The following KLHL20 variants were observed in gnomAD, a reference collection of about 807,000 sequenced individuals.
The protein encoded by KLHL20 is kelch like family member 20, also known as kelch-like protein 20.
In KLHL20, 29 loss-of-function variants were observed where a neutral mutation model predicts 69.5. The observed-to-expected ratio is 0.42, with a 90% CI of 0.31 to 0.57. The LOEUF is 0.57. KLHL20 is among the 20% of genes least tolerant of loss of function. The probability of loss-of-function intolerance (pLI) is 0.18; values close to 1 mark genes in which losing one functional copy is unlikely to be tolerated. For synonymous variants in KLHL20, 253 were observed against 265.2 expected (o/e 0.95, Z 0.45); for missense variants, 419 against 776.0 (o/e 0.54, Z 5.47).
chr1:173,757,724 A>T (rs562861825), intron 7 of KLHL20, among the ~76,000 whole-genome samples: 3 of 152,108 alleles, frequency 2.0e-5, no homozygotes, highest in Non-Finnish European at 4.4e-5. Flanking sequence ...AATGTTACTT[A>T]ATACATACAA....
intron 3 of KLHL20, among the ~76,000 whole-genome samples, chr1:173,745,991 A>G (rs1228227729): frequency 1.3e-5 from 2 of 152,180 alleles, no homozygotes; most frequent in Admixed American, 1.3e-4. Context: ...ATGTCCAACA[A>G]TTCCTATTCT....
chr1:173,718,504 C>T (rs1190232259), intron 2 of KLHL20, among the ~76,000 whole-genome samples: 1 of 151,272 alleles, frequency 6.6e-6, no homozygotes, highest in African/African-American at 2.4e-5. Context: ...CGTGATCATA[C>T]CATTGAACCC....
chr1:173,778,817 CTTTTTCATCTCTGATTTTAT>C (rs1648656698), intron 10 of KLHL20, among the ~76,000 whole-genome samples: 1 of 152,018 alleles, frequency 6.6e-6, no homozygotes, highest in Non-Finnish European at 1.5e-5. Context: ...GTAATGTCTC[CTTTTTCATCTCTGATTTTAT>C]TTATTTGGGC....
chr1:173,725,038 C>G (rs1671891696), intron 2 of KLHL20, among the ~76,000 whole-genome samples: 2 of 151,200 alleles, frequency 1.3e-5, no homozygotes, highest in South Asian at 4.2e-4. Flanking sequence ...GACTCTTCTT[C>G]TTGATATTTC....
chr1:173,775,918 A>G (rs1203498406), intron 10 of KLHL20, 76 bp downstream of exon 10: 7 of 1,183,742 alleles, frequency 5.9e-6, no homozygotes, highest in Admixed American at 3.5e-5. Flanking sequence ...GGGAGTGCAG[A>G]TATCTCTTCA....
intron 8 of KLHL20, among the ~76,000 whole-genome samples, chr1:173,773,306 A>G (rs575903052): frequency 1.6e-3 from 237 of 150,968 alleles, no homozygotes; most frequent in African/African-American, 5.6e-3. Context: ...AGTCTCAGCC[A>G]GACACAGTGG....
rs546840277 is a variant in KLHL20 at position 173,719,933 on chromosome 1, C to T, written c.23+3867C>T. Among the ~76,000 whole-genome samples the T allele has an allele frequency of 1.1e-3, 167 of 152,100 alleles. 1 individual carries two copies. Among genetic ancestry groups the T allele is most frequent in the Admixed American group, 8.7e-3 (133 of 15,294 alleles). On this transcript the variant is annotated intron_variant, in intron 2 of 11. Transcript: ENST00000209884. ...CTCTATTCCTGTATATTGTGTGATA[C>T]AGATCAAGTGATGAGAACAGATATA... is the stretch of plus-strand genomic sequence containing the variant.
intron 2 of KLHL20, 68 bp downstream of exon 2, chr1:173,716,134 T>G (rs1558174240): frequency 1.2e-5 from 17 of 1,467,198 alleles, no homozygotes; most frequent in Middle Eastern, 1.7e-4. Context: ...TTTAAATTTT[T>G]AAAAAAGAGT....
intron 2 of KLHL20, among the ~76,000 whole-genome samples, chr1:173,721,147 A>G (rs1308156434): frequency 6.6e-6 from 1 of 152,132 alleles, no homozygotes; most frequent in Non-Finnish European, 1.5e-5. Context: ...GAAGCTTTAC[A>G]TGCTTTGGGT....
chr1:173,745,170 CTTTTTTTT>C (rs796578983), intron 3 of KLHL20, among the ~76,000 whole-genome samples: 6 of 115,534 alleles, frequency 5.2e-5, no homozygotes, highest in African/African-American at 2.0e-4. Flanking sequence ...TTTCTTTTTT[CTTTTTTTT>C]TTTTTTTTTT....
chr1:173,724,186 T>TG (rs1353860124), intron 2 of KLHL20, among the ~76,000 whole-genome samples: 8 of 151,720 alleles, frequency 5.3e-5, no homozygotes, highest in African/African-American at 1.9e-4. Flanking sequence ...TTTTTTTTTT[T>TG]TTTAGAGATG....
intron 11 of KLHL20, among the ~76,000 whole-genome samples, chr1:173,784,499 A>G (rs1649081343): frequency 6.6e-6 from 1 of 152,254 alleles, no homozygotes; most frequent in Non-Finnish European, 1.5e-5. Flanking sequence ...ATGACAAAGT[A>G]ATAGTCATGA....
At position 173,739,363 on chromosome 1, in the gene KLHL20, C is replaced by T. The variant is rs757239557; in HGVS notation, c.597+5077C>T. ...CTGGGATTACAGGCACGAGCCATCA[C>T]GCCTGGCCCAATTCTTCTTTAAATG... On this transcript the variant is annotated intron_variant, in intron 3 of 11. Transcript: ENST00000209884. Among the ~76,000 whole-genome samples, 4 of 152,116 alleles carry T rather than the reference C, an allele frequency of 2.6e-5. No homozygotes were observed. In the South Asian group the frequency reaches 6.2e-4, roughly 24 times the overall value.
At chr1:173,726,468 C>A (rs1164333818) in intron 2 of KLHL20, among the ~76,000 whole-genome samples, 4 of 152,172 alleles carry the variant, frequency 2.6e-5, no homozygotes, top group Admixed American at 2.6e-4. Flanking sequence ...GGGTCCCTGA[C>A]CCCCAAGTAG....
At chr1:173,736,237 A>T (rs903580338) in intron 3 of KLHL20, among the ~76,000 whole-genome samples, 2 of 151,928 alleles carry the variant, frequency 1.3e-5, no homozygotes, top group African/African-American at 4.8e-5. Flanking sequence ...TACAGGCGTG[A>T]GTCACTGTTC....
chr1:173,744,813 T>C (rs1672980080), intron 3 of KLHL20, among the ~76,000 whole-genome samples: 1 of 152,184 alleles, frequency 6.6e-6, no homozygotes, highest in Non-Finnish European at 1.5e-5. Flanking sequence ...TATGATACTG[T>C]TTTCTATTTA....
At chr1:173,766,927 T>G (rs57820984) in intron 8 of KLHL20, among the ~76,000 whole-genome samples, 9,536 of 152,230 alleles carry the variant, frequency 0.063, 958 homozygotes, top group African/African-American at 0.21. Context: ...GTGAGAACAC[T>G]TAAAATCTAC....
chr1:173,745,607 A>G (rs906204194), intron 3 of KLHL20, among the ~76,000 whole-genome samples: 10 of 152,160 alleles, frequency 6.6e-5, no homozygotes, highest in Non-Finnish European at 1.2e-4. Context: ...TGTTACATTT[A>G]CCATTGATTC....
At chr1:173,717,190 C>T (rs1012824821) in intron 2 of KLHL20, among the ~76,000 whole-genome samples, 2 of 152,164 alleles carry the variant, frequency 1.3e-5, no homozygotes, top group African/African-American at 2.4e-5. Context: ...TCATCTCCAG[C>T]TACCATAAAA....
Sources: gnomAD v4.1 joint callset for allele counts (sites outside exome capture counted in the v4.1 genomes callset) on GRCh38, gnomAD v4.1.1 for gene constraint, MANE v1.5 for transcripts, NCBI Gene and HGNC (gene_info 2026-07-23, HGNC 2026-07-21) for gene names.